The following MOCOS variants were observed in gnomAD, a reference collection of about 807,000 sequenced individuals.
MOCOS encodes the protein human molybdenum cofactor sulfurase.
In MOCOS, 86 loss-of-function variants were observed where a neutral mutation model predicts 83.6. That is an observed-to-expected ratio of 1.03 (90% CI 0.86 to 1.23). MOCOS has a LOEUF of 1.23. MOCOS is among the 50% of genes most tolerant of loss of function. MOCOS has a pLI of 0.00. For synonymous variants in MOCOS, 445 were observed against 434.7 expected, an observed-to-expected ratio of 1.02 and a Z score of -0.29; for missense variants, 1,120 against 1,126.9, an observed-to-expected ratio of 0.99 and a Z score of 0.09.
intron 10 of MOCOS, among the ~76,000 whole-genome samples, chr18:36,250,295 T>A (rs2091617134): frequency 6.6e-6 from 1 of 152,246 alleles, no homozygotes; most frequent in Non-Finnish European, 1.5e-5. Flanking sequence ...TACTGCATGG[T>A]ATCAAACCAT....
intron 1 of MOCOS, among the ~76,000 whole-genome samples, chr18:36,193,037 C>T (rs938479369): frequency 2.6e-5 from 4 of 151,942 alleles, no homozygotes; most frequent in African/African-American, 7.3e-5. Flanking sequence ...ATGGGCCGGG[C>T]GCGGTGGCTC....
At chr18:36,217,650 G>A (rs2091480384) in intron 8 of MOCOS, among the ~76,000 whole-genome samples, 1 of 152,162 alleles carries the variant, frequency 6.6e-6, no homozygotes, top group Admixed American at 6.5e-5. Flanking sequence ...CAAAGGGCAG[G>A]AGCAGGAAGC....
At chr18:36,256,239 A>G (rs1313625376) in intron 11 of MOCOS, among the ~76,000 whole-genome samples, 3 of 152,008 alleles carry the variant, frequency 2.0e-5, no homozygotes, top group Non-Finnish European at 2.9e-5. Context: ...TCTAAACTCA[A>G]TATCTGGCAC....
At chr18:36,250,403 C>T (rs959086585) in intron 10 of MOCOS, among the ~76,000 whole-genome samples, 1 of 152,174 alleles carries the variant, frequency 6.6e-6, no homozygotes, top group Non-Finnish European at 1.5e-5. Flanking sequence ...GGACCCCAGT[C>T]GTTAGTGCTC....
intron 9 of MOCOS, among the ~76,000 whole-genome samples, chr18:36,223,668 C>T (rs1406604676): frequency 6.6e-6 from 1 of 152,152 alleles, no homozygotes; most frequent in Non-Finnish European, 1.5e-5. Flanking sequence ...ATTGAATCTG[C>T]GGATTGCTTT....
At chr18:36,214,633 T>C (rs16967576) in intron 7 of MOCOS, among the ~76,000 whole-genome samples, 29,049 of 152,018 alleles carry the variant, frequency 0.19, 2,948 homozygotes, top group African/African-American at 0.27. Context: ...TCTAATTTGA[T>C]TTTCCTTTGG....
At chr18:36,197,897 A>T (rs1394928967) in intron 2 of MOCOS, among the ~76,000 whole-genome samples, 1 of 152,222 alleles carries the variant, frequency 6.6e-6, no homozygotes, top group African/African-American at 2.4e-5. Flanking sequence ...TGCCCATTAC[A>T]GCTAATCCTT....
Position 36,198,772 on chromosome 18 carries a change from A to G in MOCOS, c.299+16A>G, listed in dbSNP as rs2091400476. On this transcript the variant is annotated intron_variant, in intron 3 of 14. Transcript: ENST00000261326. ...TGCGCTACAGGTAAGCATCAGGGAC[A>G]CCTGCCTGACTGGGCATACCTAGGC... 1 of 1,613,188 alleles carries G rather than the reference A, an allele frequency of 6.2e-7. No individual in the cohort carries two copies. The highest frequency in any genetic ancestry group is 1.3e-5 in the African/African-American group (1 of 75,022).
intron 1 of MOCOS, among the ~76,000 whole-genome samples, chr18:36,194,053 G>T (rs1209632378): frequency 6.6e-6 from 1 of 152,208 alleles, no homozygotes; most frequent in Non-Finnish European, 1.5e-5. Context: ...GCCACATATT[G>T]TATGGTTCCT....
intron 9 of MOCOS, among the ~76,000 whole-genome samples, chr18:36,236,739 C>T (rs1364838975): frequency 2.0e-4 from 28 of 141,730 alleles, no homozygotes; most frequent in Admixed American, 1.7e-3. Flanking sequence ...GCCATTTTCA[C>T]GATATTGATT....
chr18:36,213,831 A>T (rs1233000659), intron 7 of MOCOS, among the ~76,000 whole-genome samples: 3 of 152,072 alleles, frequency 2.0e-5, no homozygotes, highest in Non-Finnish European at 2.9e-5. Context: ...TGGGAGGCTG[A>T]GGCAGGAGAA....
At chr18:36,241,451 T>A (rs1167371693) in intron 9 of MOCOS, among the ~76,000 whole-genome samples, 1 of 152,246 alleles carries the variant, frequency 6.6e-6, no homozygotes, top group African/African-American at 2.4e-5. Flanking sequence ...ATGTCTCACA[T>A]CCAGATCACA....
At position 36,268,668 on chromosome 18, in the gene MOCOS, C is replaced by G; in HGVS notation, c.2650C>G (p.Gln884Glu). Reference sequence around the variant, plus strand: ...TGATTTACCTGCATCTGAGAAACACCAGGATGTTACCTCCTAAAAAAAATT... The same window carrying G: ...TGATTTACCTGCATCTGAGAAACACGAGGATGTTACCTCCTAAAAAAAATT... ...GHDLPASEKHQDVTS is the reference protein window; with the variant it reads ...GHDLPASEKHEDVTS Residue 884 changes from glutamine (Q) to glutamate (E), a missense_variant, in exon 15 of 15, where the codon CAG becomes GAG. Transcript: ENST00000261326. The G allele has an allele frequency of 6.2e-7, 1 of 1,609,404 alleles. No individual in the cohort carries two copies. Among genetic ancestry groups the G allele is most frequent in the Non-Finnish European group, 8.5e-7 (1 of 1,179,334 alleles).
Position 36,200,024 on chromosome 18 carries a change from C to T in MOCOS, c.641C>T (p.Ser214Phe). 1.2e-6 allele frequency: 2 copies of T among 1,614,190 alleles called. No homozygotes were observed. The highest frequency in any genetic ancestry group is 1.7e-6 in the Non-Finnish European group (2 of 1,180,032). The stretch of plus-strand genomic sequence containing the variant: ...TTTTCTGGAGTCAGATACCCCCTGT[C>T]CTGGATAGAAGAGGTCAAGTCTGGG... ...SNFSGVRYPL[S>F]WIEEVKSGRL... The change falls in exon 4 of 15, where the codon TCC becomes TTC. Residue 214 changes from serine (S) to phenylalanine (F), a missense_variant. Ser to Phe is a radical substitution (Grantham distance 155). Coordinates refer to ENST00000261326, the MANE Select transcript of MOCOS (RefSeq NM_017947.4).
chr18:36,210,578 C>T lies in MOCOS; in HGVS notation c.1219-2788C>T, dbSNP rs562597570. Among the ~76,000 whole-genome samples, 29 of 152,012 alleles carry T rather than the reference C, an allele frequency of 1.9e-4. No individual in the cohort carries two copies. The East Asian group carries it at 3.9e-3, about 20-fold the overall frequency. On this transcript the variant is annotated intron_variant, in intron 6 of 14. Coordinates refer to ENST00000261326, the MANE Select transcript of MOCOS (RefSeq NM_017947.4). The stretch of plus-strand genomic sequence containing the variant: ...AATCAAAAGTAAATGTGCCTGGGTG[C>T]GGTGGCTCACACCTGTAATCCTAGC...
At chr18:36,218,856 TA>T (rs1423454979) in intron 8 of MOCOS, among the ~76,000 whole-genome samples, 1 of 147,914 alleles carries the variant, frequency 6.8e-6, no homozygotes, top group African/African-American at 2.5e-5. Flanking sequence ...TTTATTTATT[TA>T]TTTATTTATT....
chr18:36,235,772 C>G (rs1035971336), intron 9 of MOCOS, among the ~76,000 whole-genome samples: 8 of 147,864 alleles, frequency 5.4e-5, no homozygotes, highest in African/African-American at 2.0e-4. Context: ...TCCTATTTCT[C>G]CACATCCTCT....
At chr18:36,231,719 G>C (rs1241376580) in intron 9 of MOCOS, among the ~76,000 whole-genome samples, 1 of 152,144 alleles carries the variant, frequency 6.6e-6, no homozygotes, top group African/African-American at 2.4e-5. Context: ...AGGTAGCTTA[G>C]AGAACAATGA....
At chr18:36,196,892 A>G (rs2091390268) in intron 2 of MOCOS, among the ~76,000 whole-genome samples, 1 of 151,960 alleles carries the variant, frequency 6.6e-6, no homozygotes, top group South Asian at 2.1e-4. Context: ...TTTTGGAGGA[A>G]AAAAAAAGTC....
Sources: gnomAD v4.1 joint callset for allele counts (sites outside exome capture counted in the v4.1 genomes callset) on GRCh38, gnomAD v4.1.1 for gene constraint, MANE v1.5 for transcripts, NCBI Gene and HGNC (gene_info 2026-07-23, HGNC 2026-07-21) for gene names.